Variants in KATNIP observed in about 807,000 individuals in gnomAD.
KATNIP encodes katanin interacting protein, also known as katanin-interacting protein.
Under a neutral mutation model 174.0 loss-of-function variants are expected in KATNIP, and 126 were observed. That is an observed-to-expected ratio of 0.72 (90% confidence interval 0.63 to 0.84). The LOEUF (loss-of-function observed/expected upper bound fraction) is 0.84. KATNIP is among the 40% of genes least tolerant of loss of function. KATNIP has a pLI of 0.00. For synonymous variants in KATNIP, 810 were observed against 835.7 expected (o/e 0.97, Z 0.53); for missense variants, 1,958 against 2,109.7 (o/e 0.93, Z 1.41).
intron 15 of KATNIP, among the ~76,000 whole-genome samples, chr16:27,747,644 G>C (rs904172651): frequency 6.6e-5 from 10 of 152,152 alleles, no homozygotes; most frequent in Non-Finnish European, 1.2e-4. Context: ...GAAGGTGGGG[G>C]GTGGGGTGTC....
chr16:27,752,027 T>C, intron 17 of KATNIP, 103 bp downstream of exon 17: 1 of 828,916 alleles, frequency 1.2e-6, no homozygotes, highest in East Asian at 2.7e-5. Flanking sequence ...TTTAAGCTGC[T>C]GGTGCCACTG....
chr16:27,565,723 G>T lies in KATNIP; in HGVS notation c.8-8178G>T, dbSNP rs561015421. On this transcript the variant is annotated intron_variant, in intron 1 of 27. Coordinates refer to ENST00000261588, the MANE Select transcript of KATNIP (RefSeq NM_015202.5). The stretch of plus-strand genomic sequence containing the variant: ...GGCTTGAGCCCAGGAGTTTGAGACT[G>T]CAGTGAGCTATGATCACACCACTGC... Among the ~76,000 whole-genome samples, 3 of 151,540 alleles carry T rather than the reference G, an allele frequency of 2.0e-5. No individual in the cohort carries two copies. The East Asian group carries it at 5.8e-4, about 29-fold the overall frequency.
In KATNIP at chr16:27,740,904, C is replaced by G; in HGVS notation, c.2607C>G (p.Asp869Glu). 6.3e-7 allele frequency: 1 copy of G among 1,595,104 alleles called. No homozygotes were observed. The highest frequency in any genetic ancestry group is 8.5e-7 in the Non-Finnish European group (1 of 1,171,384). Residue 869 changes from aspartate (D) to glutamate (E), a missense_variant, in exon 15 of 28, where the codon GAC (aspartate) becomes GAG (glutamate). Physicochemically the swap from Asp to Glu is conservative, Grantham distance 45 (BLOSUM62 2). Around this residue, in one of 3 missense-constraint regions of KATNIP, gnomAD observed 1,557 missense variants for 1,617.8 expected, o/e 0.96. Coordinates refer to ENST00000261588, the MANE Select transcript of KATNIP (RefSeq NM_015202.5). Reference sequence around the variant, plus strand: ...CTGGCAGCAGTAGTCATGGGGACGACCAGCCAGCCAGCAGAGGTAAGCTCC... The same window carrying G: ...CTGGCAGCAGTAGTCATGGGGACGAGCAGCCAGCCAGCAGAGGTAAGCTCC... ...KDAGSSSHGD[D>E]QPASREDTWS...
At chr16:27,551,722 T>TA (rs1228210833) in intron 1 of KATNIP, among the ~76,000 whole-genome samples, 5 of 150,870 alleles carry the variant, frequency 3.3e-5, no homozygotes, top group Non-Finnish European at 7.4e-5. Context: ...TTGTCTCTAC[T>TA]AAAACTTAGC....
intron 3 of KATNIP, among the ~76,000 whole-genome samples, chr16:27,624,509 C>T (rs2076278461): frequency 6.6e-6 from 1 of 152,230 alleles, no homozygotes; most frequent in Non-Finnish European, 1.5e-5. Flanking sequence ...TCCTTGGGGT[C>T]ACTTGTTCCA....
chr16:27,561,862 C>T (rs775953268), intron 1 of KATNIP, among the ~76,000 whole-genome samples: 8 of 152,194 alleles, frequency 5.3e-5, no homozygotes, highest in Non-Finnish European at 1.0e-4. Flanking sequence ...GTGAAGTTCC[C>T]TTGCAGGGGT....
intron 14 of KATNIP, among the ~76,000 whole-genome samples, chr16:27,735,760 C>T (rs939176460): frequency 6.6e-6 from 1 of 152,204 alleles, no homozygotes; most frequent in African/African-American, 2.4e-5. Context: ...AATTTGTTAG[C>T]TCCTACTCAC....
chr16:27,662,811 T>A (rs2077566872), intron 6 of KATNIP, among the ~76,000 whole-genome samples: 2 of 152,214 alleles, frequency 1.3e-5, no homozygotes, highest in South Asian at 4.1e-4. Flanking sequence ...ATTTTTACAT[T>A]ATTTTGTATC....
intron 18 of KATNIP, among the ~76,000 whole-genome samples, chr16:27,758,960 A>C (rs2081843927): frequency 6.6e-6 from 1 of 152,230 alleles, no homozygotes; most frequent in African/African-American, 2.4e-5. Context: ...TATGCCAAAA[A>C]TAGGTTCTGG....
intron 1 of KATNIP, among the ~76,000 whole-genome samples, chr16:27,571,308 C>T (rs569344686): frequency 2.8e-4 from 42 of 152,336 alleles, no homozygotes; most frequent in African/African-American, 9.4e-4. Context: ...GTTAGAATTA[C>T]AGGCATGAGC....
In KATNIP at chr16:27,740,858, G is replaced by A. The variant is rs763189129; in HGVS notation, c.2561G>A (p.Arg854Lys). ...AACAGAGAGCGCCCTGCTAGTGGGA[G>A]GAGGGGCTCAAGGAAGGATGCTGGC... ...PPNRERPASGRRGSRKDAGSS... is the reference protein window; with the variant it reads ...PPNRERPASGKRGSRKDAGSS... The change falls in exon 15 of 28, where the codon AGG (arginine) becomes AAG (lysine). Residue 854 changes from arginine to lysine, a missense_variant. Physicochemically the swap from Arg to Lys is conservative, Grantham distance 26 (BLOSUM62 2). This residue lies in a region of KATNIP where 1,557 missense variants were observed against 1,617.8 expected (regional missense o/e 0.96). Coordinates refer to ENST00000261588, the MANE Select transcript of KATNIP (RefSeq NM_015202.5). The A allele has an allele frequency of 6.2e-7, 1 of 1,611,044 alleles. No individual in the cohort carries two copies. Among genetic ancestry groups the A allele is most frequent in the South Asian group, 1.1e-5 (1 of 90,412 alleles).
intron 2 of KATNIP, among the ~76,000 whole-genome samples, chr16:27,604,760 A>C (rs1300962700): frequency 2.6e-5 from 4 of 152,302 alleles, no homozygotes; most frequent in Non-Finnish European, 4.4e-5. Flanking sequence ...TGTGTTTCCC[A>C]GTGTGTGTTT....
chr16:27,722,879 T>C (rs1041175501), intron 14 of KATNIP, among the ~76,000 whole-genome samples: 1 of 152,240 alleles, frequency 6.6e-6, no homozygotes, highest in Non-Finnish European at 1.5e-5. Context: ...CAGTAGCTAA[T>C]TTAAGTTCTT....
chr16:27,586,833 A>T (rs920616211), intron 2 of KATNIP, among the ~76,000 whole-genome samples: 7 of 151,560 alleles, frequency 4.6e-5, no homozygotes, highest in Non-Finnish European at 1.0e-4. Context: ...TGTCTCAAAA[A>T]AAAAAAAACA....
intron 5 of KATNIP, among the ~76,000 whole-genome samples, chr16:27,647,019 C>T (rs370465863): frequency 2.6e-5 from 4 of 152,108 alleles, no homozygotes; most frequent in African/African-American, 7.2e-5. Flanking sequence ...CCCTCCCACC[C>T]ACAGCTTGTG....
At position 27,775,128 on chromosome 16, in the gene KATNIP, G is replaced by A. The variant is rs745403260; in HGVS notation, c.4449+44G>A. ...CCACCGCAGCTCCTGGCCCTCAGGC[G>A]GGCAGGGGGACTTTCTTTCCCTGGT... On this transcript the variant is annotated intron_variant, in intron 24 of 27. Transcript: ENST00000261588. 97 of 1,585,716 alleles carry A rather than the reference G, an allele frequency of 6.1e-5. 1 individual carries two copies. The highest frequency in any genetic ancestry group is 1.7e-4 in the Middle Eastern group (1 of 5,992).
intron 2 of KATNIP, among the ~76,000 whole-genome samples, chr16:27,589,988 G>C (rs1246022421): frequency 1.3e-5 from 2 of 151,812 alleles, no homozygotes; most frequent in African/African-American, 4.8e-5. Flanking sequence ...TGTTGGCCAG[G>C]CTGGTCACAA....
rs752099895 is a variant in KATNIP, at chr16:27,681,577, G to A, written c.940+47G>A. ...GAGCAGGGGAGCAGGGCTGCGACTG[G>A]GTCACTCTCTGGGGTGCCATGATGG... On this transcript the variant is annotated intron_variant, in intron 8 of 27. Transcript: ENST00000261588. 34 of 1,611,414 alleles carry A rather than the reference G, an allele frequency of 2.1e-5. No homozygotes were observed. The South Asian group carries it at 3.6e-4, about 17-fold the overall frequency.
At chr16:27,623,750 G>A (rs150644452) in intron 3 of KATNIP, among the ~76,000 whole-genome samples, 332 of 152,240 alleles carry the variant, frequency 2.2e-3, no homozygotes, top group African/African-American at 7.5e-3. Context: ...TGAGATGACC[G>A]AGATCTGGAG....
Sources: gnomAD v4.1 joint callset for allele counts (sites outside exome capture counted in the v4.1 genomes callset) on GRCh38, gnomAD v4.1.1 for gene constraint, gnomAD v4.1.1 regional missense constraint, MANE v1.5 for transcripts, NCBI Gene and HGNC (gene_info 2026-07-23, HGNC 2026-07-21) for gene names.